Variants in HSD17B6 observed in about 807,000 individuals in gnomAD.
HSD17B6 encodes the protein hydroxysteroid 17-beta dehydrogenase 6, also known as 17-beta-hydroxysteroid dehydrogenase type 6.
A neutral mutation model predicts 26.4 loss-of-function variants in HSD17B6; 16 were observed. The ratio of observed to expected loss-of-function variants is 0.61; its 90% CI spans 0.41 to 0.92. The LOEUF (loss-of-function observed/expected upper bound fraction) is 0.92. Among genes scored for constraint, HSD17B6 ranks in the 40% least tolerant of loss-of-function variants. The probability of loss-of-function intolerance (pLI) is 0.00; values close to 1 mark genes in which losing one functional copy is unlikely to be tolerated. For missense variants in HSD17B6, 357 were observed against 386.1 expected (o/e 0.92, Z 0.63); for synonymous variants, 139 against 153.0 (o/e 0.91, Z 0.68).
chr12:56,767,135 T>C (rs1400328973), intron 1 of HSD17B6, among the ~76,000 whole-genome samples: 1 of 152,118 alleles, frequency 6.6e-6, no homozygotes, highest in Non-Finnish European at 1.5e-5. Context: ...GTCTCTACTA[T>C]TCACTCTGTT....
intron 3 of HSD17B6, among the ~76,000 whole-genome samples, chr12:56,783,703 C>T (rs1389825396): frequency 6.7e-6 from 1 of 148,236 alleles, no homozygotes; most frequent in Non-Finnish European, 1.5e-5. Context: ...ACCCCCCTCA[C>T]CTCCCTCCCG....
At position 56,782,237 on chromosome 12, in the gene HSD17B6, CTTAAG is replaced by C. The variant is rs1234830548; in HGVS notation, c.572+10_572+14del. On this transcript the variant is annotated splice_donor_region_variant and intron_variant, in intron 3 of 4. Transcript: ENST00000322165. ...AGCCTTTTCAGATATTCTGAGGTAACTTAAGTTAAAACAAAAACAGCTATTGAGCA... is the reference window on the plus strand; with the variant it reads ...AGCCTTTTCAGATATTCTGAGGTAACTTAAAACAAAAACAGCTATTGAGCA... 25 of 1,611,888 alleles carry C rather than the reference CTTAAG, an allele frequency of 1.6e-5. No homozygotes were observed. The highest frequency in any genetic ancestry group is 4.0e-5 in the African/African-American group (3 of 74,730).
At chr12:56,779,960 A>G (rs1245111598) in intron 2 of HSD17B6, among the ~76,000 whole-genome samples, 1 of 152,146 alleles carries the variant, frequency 6.6e-6, no homozygotes, top group Admixed American at 6.5e-5. Flanking sequence ...TCATTCTTGA[A>G]AGATAATTTT....
At chr12:56,785,616 C>T (rs1954858862) in intron 4 of HSD17B6, among the ~76,000 whole-genome samples, 1 of 152,248 alleles carries the variant, frequency 6.6e-6, no homozygotes, top group South Asian at 2.1e-4. Flanking sequence ...GCCTTGTCCT[C>T]TGTGGGCCAG....
intron 1 of HSD17B6, among the ~76,000 whole-genome samples, chr12:56,767,355 TA>T (rs60616618): frequency 6.8e-4 from 94 of 138,552 alleles, no homozygotes; most frequent in Non-Finnish European, 6.8e-4. Context: ...CACTAAAAAA[TA>T]AAAAAAAAAA....
Position 56,787,269 on chromosome 12 carries a change from T to G in HSD17B6, c.881T>G (p.Leu294Arg). 4 of 1,614,176 alleles carry G rather than the reference T, an allele frequency of 2.5e-6. No individual in the cohort carries two copies. The highest frequency in any genetic ancestry group is 3.4e-6 in the Non-Finnish European group (4 of 1,180,004). The change falls in exon 5 of 5, where the codon CTA becomes CGA. Residue 294 changes from leucine to arginine, a missense_variant. Coordinates refer to ENST00000322165, the MANE Select transcript of HSD17B6 (RefSeq NM_003725.4). Reference protein sequence around the residue: ...GWDAKFFFIPLSYLPTSLADY... With the variant: ...GWDAKFFFIPRSYLPTSLADY... ...GATGCTAAATTTTTCTTCATCCCTC[T>G]ATCTTATTTACCTACATCACTGGCA... is the stretch of plus-strand genomic sequence containing the variant.
intron 1 of HSD17B6, among the ~76,000 whole-genome samples, chr12:56,772,960 C>G (rs950532888): frequency 1.3e-5 from 2 of 152,128 alleles, no homozygotes; most frequent in Non-Finnish European, 2.9e-5. Flanking sequence ...CCTTATGATG[C>G]TAGCGGGCCC....
chr12:56,784,336 T>G (rs1592376657), intron 3 of HSD17B6, among the ~76,000 whole-genome samples: 1 of 150,778 alleles, frequency 6.6e-6, no homozygotes, highest in Non-Finnish European at 1.5e-5. Context: ...GGCTGGGAGG[T>G]GGAGGTTGTA....
intron 4 of HSD17B6, chr12:56,786,021 G>T: frequency 1.2e-5 from 11 of 897,146 alleles, no homozygotes; most frequent in Non-Finnish European, 1.5e-5. Context: ...ATAGGTACAG[G>T]GTTTCTTTTT....
chr12:56,776,379 A>G (rs746661063), intron 2 of HSD17B6, among the ~76,000 whole-genome samples: 64 of 132,448 alleles, frequency 4.8e-4, no homozygotes, highest in African/African-American at 8.4e-4. Context: ...ATCATGGCCC[A>G]CTGCAGCCTC....
intron 4 of HSD17B6, chr12:56,786,021 G>GTCTAAAT: frequency 1.1e-6 from 1 of 897,146 alleles, no homozygotes; most frequent in Non-Finnish European, 1.3e-6. Flanking sequence ...ATAGGTACAG[G>GTCTAAAT]GTTTCTTTTT....
At chr12:56,778,687 T>TG (rs1359353332) in intron 2 of HSD17B6, among the ~76,000 whole-genome samples, 13 of 149,720 alleles carry the variant, frequency 8.7e-5, no homozygotes, top group Admixed American at 8.6e-4. Flanking sequence ...TTTTTTTTTT[T>TG]TTTTTGAGAC....
Position 56,773,955 on chromosome 12 carries a change from A to G in HSD17B6, c.103A>G (p.Thr35Ala). The G allele has an allele frequency of 6.2e-7, 1 of 1,614,002 alleles. No individual in the cohort carries two copies. Among genetic ancestry groups the G allele is most frequent in the Non-Finnish European group, 8.5e-7 (1 of 1,179,990 alleles). Residue 35 changes from threonine (T) to alanine (A), a missense_variant, in exon 2 of 5, where the codon ACG becomes GCG. By Grantham distance (58) the Thr-to-Ala change is moderately conservative. Transcript: ENST00000322165. ...CCTCCAAGACAAGTATGTCTTTATC[A>G]CGGGCTGTGACTCGGGCTTTGGGAA... ...SHLQDKYVFI[T>A]GCDSGFGNLL...
intron 4 of HSD17B6, chr12:56,785,900 AG>A (rs1437271210): frequency 1.0e-6 from 1 of 968,352 alleles, no homozygotes; most frequent in Admixed American, 6.2e-5. Context: ...TCTCTTGTTC[AG>A]GTGATAGGAG....
chr12:56,782,375 C>T (rs1410225465), intron 3 of HSD17B6, 143 bp downstream of exon 3: 1 of 879,630 alleles, frequency 1.1e-6, no homozygotes, highest in African/African-American at 1.7e-5. Flanking sequence ...ATATAGCTAA[C>T]AGGCTCAAAT....
At chr12:56,775,388 T>A (rs771934066) in intron 2 of HSD17B6, among the ~76,000 whole-genome samples, 12 of 152,280 alleles carry the variant, frequency 7.9e-5, no homozygotes, top group East Asian at 1.9e-4. Context: ...TGGCTAATTT[T>A]TTTTTATTTT....
In HSD17B6 at chr12:56,787,314, C is replaced by A; in HGVS notation, c.926C>A (p.Ser309Tyr). The change falls in exon 5 of 5, where the codon TCT becomes TAT. Residue 309 changes from serine (S) to tyrosine (Y), a missense_variant. Physicochemically the swap from Ser to Tyr is moderately radical, Grantham distance 144. Coordinates refer to ENST00000322165, the MANE Select transcript of HSD17B6 (RefSeq NM_003725.4). The stretch of plus-strand genomic sequence containing the variant: ...CTGGCAGACTACATTTTGACTAGAT[C>A]TTGGCCCAAACCAGCCCAGGCAGTC... ...TSLADYILTR[S>Y]WPKPAQAV 1 of 1,613,954 alleles carries A rather than the reference C, an allele frequency of 6.2e-7. No homozygotes were observed.
rs1250693567 is a variant in HSD17B6, at chr12:56,783,890, GC to G, written c.573-961del. Among the ~76,000 whole-genome samples, 19 of 152,100 alleles carry G rather than the reference GC, an allele frequency of 1.2e-4. No individual in the cohort carries two copies. In the East Asian group the frequency reaches 3.5e-3, roughly 28 times the overall value. ...TCCTCACTTCCCAGACGGGGTGGCA[GC>G]CAGGTGGAGGGGCTCCTCACTTCTC... is the stretch of plus-strand genomic sequence containing the variant. On this transcript the variant is annotated intron_variant, in intron 3 of 4. Coordinates refer to ENST00000322165, the MANE Select transcript of HSD17B6 (RefSeq NM_003725.4).
At chr12:56,767,873 A>G (rs757246295) in intron 1 of HSD17B6, among the ~76,000 whole-genome samples, 6 of 149,208 alleles carry the variant, frequency 4.0e-5, no homozygotes, top group Non-Finnish European at 8.9e-5. Flanking sequence ...ACGTGTATAT[A>G]TACACGTATA....
Sources: allele counts gnomAD v4.1 joint callset (sites outside exome capture counted in the v4.1 genomes callset), GRCh38; gene constraint gnomAD v4.1.1; transcripts MANE v1.5; gene names NCBI Gene and HGNC (gene_info 2026-07-23, HGNC 2026-07-21).